Variants in CADM2 observed in about 807,000 individuals in gnomAD.
The protein encoded by CADM2 is immunoglobulin superfamily member 4D.
CADM2 carries 12 observed loss-of-function variants against 49.8 expected under a neutral mutation model. The ratio of observed to expected loss-of-function variants is 0.24; its 90% confidence interval spans 0.15 to 0.39. The LOEUF (loss-of-function observed/expected upper bound fraction) is 0.39. Among genes scored for constraint, CADM2 ranks in the 10% least tolerant of loss-of-function variants. The probability of loss-of-function intolerance (pLI) is 1.00; values close to 1 mark genes in which losing one functional copy is unlikely to be tolerated. For missense variants in CADM2, 378 were observed against 492.3 expected, an observed-to-expected ratio of 0.77 and a Z score of 2.20; for synonymous variants, 214 against 175.4, an observed-to-expected ratio of 1.22 and a Z score of -1.74.
At chr3:85,035,517 T>G (rs993507458) in intron 1 of CADM2, among the ~76,000 whole-genome samples, 4 of 152,206 alleles carry the variant, frequency 2.6e-5, no homozygotes, top group Non-Finnish European at 5.9e-5. Flanking sequence ...CAAGAGAGTT[T>G]TCCCCAAAGT....
intron 1 of CADM2, among the ~76,000 whole-genome samples, chr3:85,628,851 C>A (rs565775851): frequency 6.6e-6 from 1 of 150,522 alleles, no homozygotes; most frequent in East Asian, 1.9e-4. Flanking sequence ...TTTTTTGTTT[C>A]TTTGACTCTT....
At chr3:86,004,866 C>T (rs998208952) in intron 8 of CADM2, among the ~76,000 whole-genome samples, 18 of 152,226 alleles carry the variant, frequency 1.2e-4, no homozygotes, top group African/African-American at 4.1e-4. Context: ...CTGTGCCACA[C>T]AGGAATTGCC....
At chr3:85,101,124 C>T (rs550087247) in intron 1 of CADM2, among the ~76,000 whole-genome samples, 99 of 152,056 alleles carry the variant, frequency 6.5e-4, no homozygotes, top group African/African-American at 2.2e-3. Flanking sequence ...TGTGCTGGTG[C>T]GCACCTGTAA....
chr3:85,774,459 T>A (rs2070258373), intron 2 of CADM2, among the ~76,000 whole-genome samples: 1 of 151,994 alleles, frequency 6.6e-6, no homozygotes, highest in East Asian at 1.9e-4. Flanking sequence ...TTTTAATATG[T>A]AGATAGTCCA....
chr3:85,786,031 C>T (rs1177031794), intron 2 of CADM2, among the ~76,000 whole-genome samples: 3 of 151,960 alleles, frequency 2.0e-5, no homozygotes, highest in African/African-American at 7.2e-5. Flanking sequence ...GTCAATGATT[C>T]GTTATTAGCC....
intron 1 of CADM2, among the ~76,000 whole-genome samples, chr3:85,602,465 C>T (rs2063434015): frequency 6.6e-6 from 1 of 151,790 alleles, no homozygotes; most frequent in African/African-American, 2.4e-5. Flanking sequence ...TTAATCTCTA[C>T]ATTCCATATC....
At chr3:86,013,096 C>A in intron 8 of CADM2, 1 of 1,333,954 alleles carries the variant, frequency 7.5e-7, no homozygotes, top group East Asian at 2.3e-5. Flanking sequence ...GCAATACCAA[C>A]AATATTTGAT....
chr3:85,313,380 G>A (rs2044391783), intron 1 of CADM2, among the ~76,000 whole-genome samples: 1 of 152,180 alleles, frequency 6.6e-6, no homozygotes, highest in African/African-American at 2.4e-5. Context: ...GTGTTGAAAT[G>A]CTTCTCCTAT....
At chr3:85,155,801 C>G (rs1260485125) in intron 1 of CADM2, among the ~76,000 whole-genome samples, 1 of 152,172 alleles carries the variant, frequency 6.6e-6, no homozygotes, top group African/African-American at 2.4e-5. Flanking sequence ...CAAAACTGCT[C>G]AACTACATGG....
chr3:85,251,722 A>G (rs938716427), intron 1 of CADM2, among the ~76,000 whole-genome samples: 3 of 151,984 alleles, frequency 2.0e-5, no homozygotes, highest in Admixed American at 6.6e-5. Flanking sequence ...AGATCATCCT[A>G]TCACTGGCAT....
At chr3:85,360,240 C>G (rs1456039944) in intron 1 of CADM2, among the ~76,000 whole-genome samples, 1 of 152,048 alleles carries the variant, frequency 6.6e-6, no homozygotes, top group Non-Finnish European at 1.5e-5. Context: ...GTATTTCTCA[C>G]AAAGCTTAGG....
chr3:85,888,511 GA>G (rs1291719453), intron 5 of CADM2, among the ~76,000 whole-genome samples: 2 of 152,176 alleles, frequency 1.3e-5, no homozygotes, highest in Non-Finnish European at 2.9e-5. Context: ...ATGCAGTACT[GA>G]AAACTTGTGA....
chr3:85,957,902 A>G (rs138414044), intron 7 of CADM2, among the ~76,000 whole-genome samples: 1 of 152,114 alleles, frequency 6.6e-6, no homozygotes, highest in African/African-American at 2.4e-5. Flanking sequence ...CATGATGAAA[A>G]CGCCAAAAGC....
intron 1 of CADM2, among the ~76,000 whole-genome samples, chr3:85,377,133 C>T (rs1323545624): frequency 6.6e-6 from 1 of 152,034 alleles, no homozygotes; most frequent in East Asian, 1.9e-4. Flanking sequence ...ATGAAGAATG[C>T]ATTGCCTATT....
chr3:85,426,215 C>T (rs529324056), intron 1 of CADM2, among the ~76,000 whole-genome samples: 2 of 151,604 alleles, frequency 1.3e-5, no homozygotes, highest in South Asian at 4.2e-4. Context: ...GAACATGGCT[C>T]ACTGCAGCCT....
intron 1 of CADM2, among the ~76,000 whole-genome samples, chr3:85,510,924 T>C (rs553162557): frequency 6.6e-6 from 1 of 152,212 alleles, no homozygotes; most frequent in Admixed American, 6.5e-5. Flanking sequence ...TAAGCTCTAG[T>C]TTCCAATATC....
In CADM2 at chr3:85,840,477, T is replaced by C. The variant is rs182359787; in HGVS notation, c.238+38281T>C. Among the ~76,000 whole-genome samples, 178 of 152,012 alleles carry C rather than the reference T, an allele frequency of 1.2e-3. 1 individual carries two copies. Among genetic ancestry groups the C allele is most frequent in the African/African-American group, 4.1e-3 (170 of 41,530 alleles). On this transcript the variant is annotated intron_variant, in intron 3 of 9. Coordinates refer to ENST00000383699, the MANE Select transcript of CADM2 (RefSeq NM_001167675.2). ...TCACATACTTATAATTCTGATTATT[T>C]AAAAAATATTGTATAATTTTACTTT...
chr3:85,008,639 A>G lies in CADM2; in HGVS notation c.61+48971A>G, dbSNP rs557601533. On this transcript the variant is annotated intron_variant, in intron 1 of 9. Coordinates refer to ENST00000383699, the MANE Select transcript of CADM2 (RefSeq NM_001167675.2). ...GTTTCTACTCAAAAACAAAAATTAGAAAAAAAAATTGATTTCAGAAGTGGA... is the reference window on the plus strand; with the variant it reads ...GTTTCTACTCAAAAACAAAAATTAGGAAAAAAAATTGATTTCAGAAGTGGA... 1.0e-4 allele frequency among the ~76,000 whole-genome samples: 15 copies of G among 149,450 alleles called. No individual in the cohort carries two copies. The South Asian group carries it at 3.1e-3, about 31-fold the overall frequency.
chr3:85,887,599 T>C (rs2108405638), intron 5 of CADM2, among the ~76,000 whole-genome samples: 1 of 152,302 alleles, frequency 6.6e-6, no homozygotes, highest in Middle Eastern at 3.4e-3. Context: ...CCCTGATCAC[T>C]ACGCTTGCCT....
Sources: gnomAD v4.1 joint callset for allele counts (sites outside exome capture counted in the v4.1 genomes callset) on GRCh38, gnomAD v4.1.1 for gene constraint, MANE v1.5 for transcripts, NCBI Gene and HGNC (gene_info 2026-07-23, HGNC 2026-07-21) for gene names.